The following YPEL1 variants were observed in gnomAD, a reference collection of about 807,000 sequenced individuals.
YPEL1 encodes the protein protein yippee-like 1.
Under a neutral mutation model 17.3 loss-of-function variants are expected in YPEL1, and 7 were observed. The ratio of observed to expected loss-of-function variants is 0.40; its 90% confidence interval spans 0.23 to 0.76. The LOEUF is 0.76. Ranked by LOEUF, YPEL1 falls within the 30% of genes least tolerant of loss-of-function variation. The pLI, the probability that YPEL1 is intolerant of heterozygous loss-of-function variation, is 0.35. For missense variants in YPEL1, 91 were observed against 155.5 expected, an observed-to-expected ratio of 0.59 and a Z score of 2.21; for synonymous variants, 59 against 59.6, an observed-to-expected ratio of 0.99 and a Z score of 0.05.
rs192486200 is a variant in YPEL1, at chr22:21,720,710, A to C, written c.-164-9802T>G. ...TCACCATGTTGGCCAGGCTGGTCTC[A>C]AACTCCTGACCTCACATGATCCACC... On this transcript the variant is annotated intron_variant, in intron 1 of 4. Coordinates refer to ENST00000339468, the MANE Select transcript of YPEL1 (RefSeq NM_013313.5). Among the ~76,000 whole-genome samples, 128 of 150,740 alleles carry C rather than the reference A, an allele frequency of 8.5e-4. 1 individual carries two copies. Among genetic ancestry groups the C allele is most frequent in the African/African-American group, 3.0e-3 (123 of 40,874 alleles).
chr22:21,713,905 G>T (rs59785257), intron 1 of YPEL1, among the ~76,000 whole-genome samples: 2,284 of 152,224 alleles, frequency 0.015, 22 homozygotes, highest in South Asian at 0.037. Flanking sequence ...GGGGCCTGCA[G>T]AGAGTCAGGC....
intron 1 of YPEL1, among the ~76,000 whole-genome samples, chr22:21,719,140 G>T (rs943255105): frequency 6.6e-6 from 1 of 152,250 alleles, no homozygotes; most frequent in Admixed American, 6.5e-5. Flanking sequence ...GGGAGGTCAT[G>T]GGGACAGGTA....
intron 1 of YPEL1, among the ~76,000 whole-genome samples, chr22:21,732,258 T>C (rs907732467): frequency 1.3e-5 from 2 of 152,216 alleles, no homozygotes; most frequent in African/African-American, 4.8e-5. Flanking sequence ...CCTCTATGTC[T>C]TGGCTATTGA....
chr22:21,709,048 T>C (rs5749696), intron 2 of YPEL1, among the ~76,000 whole-genome samples: 83,043 of 151,308 alleles, frequency 0.55, 23,038 homozygotes, highest in East Asian at 0.76. Flanking sequence ...CTTTTGACCA[T>C]GTAGCAAGGA....
intron 4 of YPEL1, among the ~76,000 whole-genome samples, chr22:21,702,606 A>G (rs976660149): frequency 6.6e-6 from 1 of 152,140 alleles, no homozygotes; most frequent in Non-Finnish European, 1.5e-5. Flanking sequence ...GTTTGAGACC[A>G]TCTCAAAAAA....
At chr22:21,735,129 G>A (rs1245892846) in intron 1 of YPEL1, among the ~76,000 whole-genome samples, 1 of 152,146 alleles carries the variant, frequency 6.6e-6, no homozygotes, top group South Asian at 2.1e-4. Flanking sequence ...CTCTGTTAAC[G>A]AAACCTATGC....
At chr22:21,718,783 TAC>T (rs10664985) in intron 1 of YPEL1, among the ~76,000 whole-genome samples, 247 of 149,946 alleles carry the variant, frequency 1.6e-3, no homozygotes, top group Middle Eastern at 0.01. Context: ...CACGTGTAAA[TAC>T]ACACACACAC....
chr22:21,709,210 C>T (rs540807600), intron 2 of YPEL1, among the ~76,000 whole-genome samples: 38 of 152,232 alleles, frequency 2.5e-4, no homozygotes, highest in African/African-American at 8.4e-4. Flanking sequence ...ACCCAGGGGC[C>T]CAGAGCAGCT....
At position 21,701,223 on chromosome 22, in the gene YPEL1, A is replaced by T. The variant is rs777696161; in HGVS notation, c.271-5T>A. 2.5e-6 allele frequency: 4 copies of T among 1,611,350 alleles called. No homozygotes were observed. Among genetic ancestry groups the T allele is most frequent in the Admixed American group, 1.7e-5 (1 of 59,914 alleles). On this transcript the variant is annotated splice_polypyrimidine_tract_variant and splice_region_variant and intron_variant, in intron 4 of 4. Coordinates refer to ENST00000339468, the MANE Select transcript of YPEL1 (RefSeq NM_013313.5). ...ACTGCTCTCAAAGGCATGCTCCTTG[A>T]AAAAGAAGAGACAAAGGTTTCAGGA... is the stretch of plus-strand genomic sequence containing the variant.
At chr22:21,716,390 C>G (rs1168786947) in intron 1 of YPEL1, among the ~76,000 whole-genome samples, 1 of 152,234 alleles carries the variant, frequency 6.6e-6, no homozygotes, top group Non-Finnish European at 1.5e-5. Flanking sequence ...GAGGAGCCGC[C>G]AGGCACCATC....
chr22:21,702,970 C>A (rs896890781), intron 4 of YPEL1, among the ~76,000 whole-genome samples: 3 of 152,152 alleles, frequency 2.0e-5, no homozygotes, highest in Non-Finnish European at 4.4e-5. Flanking sequence ...GTCTCTGACT[C>A]CAGCAGGTCT....
At chr22:21,708,980 ATTT>A (rs1316935567) in intron 2 of YPEL1, among the ~76,000 whole-genome samples, 2 of 152,094 alleles carry the variant, frequency 1.3e-5, no homozygotes, top group Non-Finnish European at 2.9e-5. Flanking sequence ...AGCTGATACA[ATTT>A]TTAAAACAGC....
chr22:21,698,080 A>AACTT lies in YPEL1; in HGVS notation c.*3045_*3048dup, dbSNP rs1322172770. ...CTCTCAAGGAAGATTTATTTTAAAT[A>AACTT]ACTTAAATAGAAGTCCTAGATGATA... On this transcript the variant is annotated 3_prime_UTR_variant, in exon 5 of 5. Transcript: ENST00000339468. 2.0e-5 allele frequency: 3 copies of AACTT among 152,336 alleles called. No individual in the cohort carries two copies. Among genetic ancestry groups the AACTT allele is most frequent in the Admixed American group, 6.5e-5 (1 of 15,280 alleles). 9.4% of individuals were successfully genotyped at this position (152,336 alleles called of 1,614,324 possible).
intron 1 of YPEL1, among the ~76,000 whole-genome samples, chr22:21,717,465 A>T (rs960194067): frequency 6.6e-6 from 1 of 152,042 alleles, no homozygotes; most frequent in Admixed American, 6.6e-5. Flanking sequence ...GATGACATTT[A>T]TTTGGATTTC....
At chr22:21,728,821 G>C (rs1436671872) in intron 1 of YPEL1, among the ~76,000 whole-genome samples, 1 of 151,962 alleles carries the variant, frequency 6.6e-6, no homozygotes, top group Non-Finnish European at 1.5e-5. Flanking sequence ...ACCAGCTTGG[G>C]CAACATGGTG....
chr22:21,722,866 G>A (rs1444349111), intron 1 of YPEL1: 1 of 152,228 alleles, frequency 6.6e-6, no homozygotes. Context: ...ACGACTTCTG[G>A]GGGATTATTT....
intron 1 of YPEL1, 112 bp downstream of exon 1, chr22:21,735,498 CCCCCG>C (rs1315545723): frequency 2.0e-5 from 3 of 152,244 alleles, no homozygotes; most frequent in African/African-American, 4.8e-5. Context: ...CCTGCTCGCG[CCCCCG>C]CCCGCCCGGA....
chr22:21,730,505 G>C (rs2148615740), intron 1 of YPEL1, among the ~76,000 whole-genome samples: 1 of 152,322 alleles, frequency 6.6e-6, no homozygotes, highest in Non-Finnish European at 1.5e-5. Flanking sequence ...TTACAGGCGT[G>C]AGCTACAGCA....
At chr22:21,718,080 G>T (rs1436411738) in intron 1 of YPEL1, among the ~76,000 whole-genome samples, 1 of 149,996 alleles carries the variant, frequency 6.7e-6, no homozygotes, top group African/African-American at 2.5e-5. Flanking sequence ...GCAATGAGCA[G>T]AGATTGTGCC....
Sources: allele counts gnomAD v4.1 joint callset (sites outside exome capture counted in the v4.1 genomes callset), GRCh38; gene constraint gnomAD v4.1.1; transcripts MANE v1.5; gene names NCBI Gene and HGNC (gene_info 2026-07-23, HGNC 2026-07-21).